The following PCDH17 variants were observed in gnomAD, a reference collection of about 807,000 sequenced individuals.
The protein encoded by PCDH17 is protocadherin 17.
In PCDH17, 21 loss-of-function variants were observed where a neutral mutation model predicts 67.7. That is an observed-to-expected ratio of 0.31 (90% CI 0.22 to 0.45). The LOEUF is 0.45. Ranked by LOEUF, PCDH17 falls within the 20% of genes least tolerant of loss-of-function variation. The pLI is 1.00. For synonymous variants in PCDH17, 701 were observed against 656.7 expected, an observed-to-expected ratio of 1.07 and a Z score of -1.03; for missense variants, 1,471 against 1,564.8, an observed-to-expected ratio of 0.94 and a Z score of 1.01.
chr13:57,679,727 C>T (rs1055343626), intron 3 of PCDH17, among the ~76,000 whole-genome samples: 1 of 151,348 alleles, frequency 6.6e-6, no homozygotes, highest in African/African-American at 2.4e-5. Context: ...ATTCTTTATA[C>T]AGATATCTGA....
chr13:57,662,438 A>G (rs984339233), intron 1 of PCDH17, among the ~76,000 whole-genome samples: 1 of 152,106 alleles, frequency 6.6e-6, no homozygotes, highest in Admixed American at 6.6e-5. Flanking sequence ...TATAATGTTC[A>G]GCATACAGAT....
Sources: gnomAD v4.1 joint callset for allele counts (sites outside exome capture counted in the v4.1 genomes callset) on GRCh38, gnomAD v4.1.1 for gene constraint, MANE v1.5 for transcripts, NCBI Gene and HGNC (gene_info 2026-07-23, HGNC 2026-07-21) for gene names.